The following A2M variants were observed in gnomAD, a reference collection of about 807,000 sequenced individuals.
A2M encodes the protein alpha-2-macroglobulin.
In A2M, 128 loss-of-function variants were observed where a neutral mutation model predicts 183.9. The ratio of observed to expected loss-of-function variants is 0.70; its 90% confidence interval spans 0.60 to 0.81. The LOEUF (loss-of-function observed/expected upper bound fraction) is 0.81. Ranked by LOEUF, A2M falls within the 30% of genes least tolerant of loss-of-function variation. The pLI, the probability that A2M is intolerant of heterozygous loss-of-function variation, is 0.00. For missense variants in A2M, 1,495 were observed against 1,787.6 expected, an observed-to-expected ratio of 0.84 and a Z score of 2.95; for synonymous variants, 592 against 670.8, an observed-to-expected ratio of 0.88 and a Z score of 1.81.
At chr12:9,077,634 C>T in intron 26 of A2M, 67 bp downstream of exon 26, 1 of 1,573,256 alleles carries the variant, frequency 6.4e-7, no homozygotes, top group Non-Finnish European at 8.6e-7. Context: ...TTCACATTAT[C>T]ACTTCCTATC....
At chr12:9,101,033 T>C (rs1592377726) in intron 13 of A2M, 111 bp downstream of exon 13, 1 of 980,154 alleles carries the variant, frequency 1.0e-6, no homozygotes, top group East Asian at 2.6e-5. Context: ...AAACACCACC[T>C]GTTCCCCCAA....
Position 9,072,690 on chromosome 12 carries a change from C to A in A2M, c.3938G>T (p.Ser1313Ile). 1 of 1,614,188 alleles carries A rather than the reference C, an allele frequency of 6.2e-7. No individual in the cohort carries two copies. The highest frequency in any genetic ancestry group is 1.1e-5 in the South Asian group (1 of 91,080). The change falls in exon 30 of 36, where the codon AGC becomes ATC. Residue 1313 changes from serine (S) to isoleucine (I), a missense_variant. Coordinates refer to ENST00000318602, the MANE Select transcript of A2M (RefSeq NM_000014.6). ...VSLPELPGEYSMKVTGEGCVY... is the reference protein window; with the variant it reads ...VSLPELPGEYIMKVTGEGCVY... ...ACATCCTTCTCCTGTCACTTTCATGCTGTATTCCCCAGGCAGCTCTGGCAA... is the reference window on the plus strand; with the variant it reads ...ACATCCTTCTCCTGTCACTTTCATGATGTATTCCCCAGGCAGCTCTGGCAA...
intron 18 of A2M, among the ~76,000 whole-genome samples, chr12:9,091,656 T>A (rs1949218048): frequency 6.6e-6 from 1 of 152,238 alleles, no homozygotes; most frequent in South Asian, 2.1e-4. Context: ...ACAGACAATA[T>A]AGTTATAAAT....
Position 9,099,514 on chromosome 12 carries a change from T to G in A2M, c.1568A>C (p.His523Pro). The G allele has an allele frequency of 6.2e-7, 1 of 1,608,354 alleles. No homozygotes were observed. Among genetic ancestry groups the G allele is most frequent in the Non-Finnish European group, 8.5e-7 (1 of 1,177,480 alleles). The change falls in exon 14 of 36, where the codon CAT becomes CCT. Residue 523 changes from histidine (H) to proline (P), a missense_variant. Coordinates refer to ENST00000318602, the MANE Select transcript of A2M (RefSeq NM_000014.6). ...CTTCACAGGGATTGAGATGGAAAAATGGCCCTTCACTGGGGCACAAAGAGA... is the reference window on the plus strand; with the variant it reads ...CTTCACAGGGATTGAGATGGAAAAAGGGCCCTTCACTGGGGCACAAAGAGA... ...LLVKQEDMKG[H>P]FSISIPVKSD...
In A2M at chr12:9,101,524, T is replaced by C. The variant is rs1199270079; in HGVS notation, c.1417A>G (p.Thr473Ala). The C allele has an allele frequency of 6.2e-7, 1 of 1,613,862 alleles. No individual in the cohort carries two copies. The highest frequency in any genetic ancestry group is 2.2e-5 in the East Asian group (1 of 44,864). Residue 473 changes from threonine to alanine, a missense_variant, in exon 12 of 36, where the codon ACT becomes GCT. By Grantham distance (58) the Thr-to-Ala change is moderately conservative. Transcript: ENST00000318602. The stretch of plus-strand genomic sequence containing the variant: ...ATATAATGTGCCTGGACTGTCTGAG[T>C]ATGGCCACAGGGTAGTTCATGAGAC... Reference protein sequence around the residue: ...PMSHELPCGHTQTVQAHYILN... With the variant: ...PMSHELPCGHAQTVQAHYILN...
intron 3 of A2M, 80 bp from the exon 4 acceptor site, chr12:9,112,291 A>G: frequency 6.2e-7 from 1 of 1,605,760 alleles, no homozygotes; most frequent in Admixed American, 1.7e-5. Context: ...TAAGGAACCA[A>G]GATTATAGGA....
chr12:9,079,148 T>C (rs1434147585), intron 25 of A2M, 96 bp downstream of exon 25: 4 of 942,942 alleles, frequency 4.2e-6, no homozygotes, highest in Middle Eastern at 2.5e-4. Flanking sequence ...GGTCTGATAA[T>C]ACATATCTGA....
intron 17 of A2M, among the ~76,000 whole-genome samples, chr12:9,094,714 GTGT>G (rs1454940933): frequency 1.3e-5 from 2 of 152,258 alleles, no homozygotes; most frequent in East Asian, 1.9e-4. Flanking sequence ...GGAGAATGTA[GTGT>G]TGTTGTGTGA....
At chr12:9,067,965 T>G (rs1948446045) in intron 35 of A2M, 126 bp from the exon 36 acceptor site, 1 of 1,052,566 alleles carries the variant, frequency 9.5e-7, no homozygotes, top group Non-Finnish European at 1.4e-6. Flanking sequence ...GGAAACCAAA[T>G]CTATTCCAAA....
intron 26 of A2M, 39 bp from the exon 27 acceptor site, chr12:9,077,459 T>G: frequency 1.3e-6 from 2 of 1,576,128 alleles, no homozygotes; most frequent in South Asian, 2.3e-5. Flanking sequence ...ATTCAACTTC[T>G]GAGAATGCTA....
intron 22 of A2M, among the ~76,000 whole-genome samples, chr12:9,084,012 G>T (rs1740972229): frequency 6.6e-6 from 1 of 152,154 alleles, no homozygotes; most frequent in Non-Finnish European, 1.5e-5. Context: ...CAGGCTGAGG[G>T]AGAGTGGAAT....
chr12:9,101,697 T>C (rs1306683540), intron 11 of A2M, 23 bp from the exon 12 acceptor site: 2 of 1,529,974 alleles, frequency 1.3e-6, no homozygotes, highest in East Asian at 2.4e-5. Flanking sequence ...AAAAATTATA[T>C]TATTTTTAGA....
chr12:9,102,734 A>G (rs1937980508), intron 11 of A2M, among the ~76,000 whole-genome samples: 1 of 152,198 alleles, frequency 6.6e-6, no homozygotes, highest in Admixed American at 6.5e-5. Context: ...CACATATATG[A>G]TCACCCCAAA....
chr12:9,077,762 TG>T lies in A2M; in HGVS notation c.3214del (p.Gln1072ArgfsTer20). On this transcript the variant is annotated frameshift_variant, in exon 26 of 36. Transcript: ENST00000318602. LOFTEE classifies it high-confidence loss of function. ...GAAACAGCCATTGTCCTTCTGCCTCTGGGAGAGCCATATGAGGGCTTGGGTA... is the reference window on the plus strand; with the variant it reads ...GAAACAGCCATTGTCCTTCTGCCTCTGGAGAGCCATATGAGGGCTTGGGTA... ...HITQALIWLS[Q>X]RQKDNGCFRS... is the part of the protein sequence containing the mutation. The T allele has an allele frequency of 6.2e-7, 1 of 1,614,192 alleles. No individual in the cohort carries two copies. The highest frequency in any genetic ancestry group is 8.5e-7 in the Non-Finnish European group (1 of 1,180,016).
chr12:9,067,978 A>G, intron 35 of A2M, 139 bp from the exon 36 acceptor site: 1 of 998,926 alleles, frequency 1.0e-6, no homozygotes, highest in South Asian at 1.4e-5. Context: ...ATTCCAAATC[A>G]TTACCCATAA....
chr12:9,076,633 T>C (rs981363131), intron 28 of A2M, 123 bp downstream of exon 28: 1 of 842,070 alleles, frequency 1.2e-6, no homozygotes, highest in African/African-American at 1.7e-5. Context: ...GGACAAAATA[T>C]ATATGATATA....
intron 4 of A2M, 141 bp downstream of exon 4, chr12:9,112,018 G>C (rs1565605236): frequency 1.2e-6 from 1 of 836,452 alleles, no homozygotes; most frequent in African/African-American, 1.7e-5. Context: ...TTTTAGATTA[G>C]GATCTTGTGC....
At chr12:9,111,937 TTG>T in intron 4 of A2M, 1 of 696,176 alleles carries the variant, frequency 1.4e-6, no homozygotes, top group South Asian at 1.4e-5. Flanking sequence ...GTAAATTTAA[TTG>T]TGTGACAACT....
At chr12:9,093,758 T>A (rs226406) in intron 17 of A2M, among the ~76,000 whole-genome samples, 179 bp from the exon 18 acceptor site, 37,098 of 151,436 alleles carry the variant, frequency 0.24, 6,486 homozygotes, top group African/African-American at 0.5. Context: ...AATATGTTGG[T>A]TGACTTAACA....
Sources: allele counts gnomAD v4.1 joint callset (sites outside exome capture counted in the v4.1 genomes callset), GRCh38; gene constraint gnomAD v4.1.1; transcripts MANE v1.5; gene names NCBI Gene and HGNC (gene_info 2026-07-23, HGNC 2026-07-21).